TMEM117: variants seen among roughly 807,000 people sequenced by gnomAD.
TMEM117 encodes transmembrane protein 117.
In TMEM117, 27 loss-of-function variants were observed where a neutral mutation model predicts 52.4. The ratio of observed to expected loss-of-function variants is 0.51; its 90% confidence interval spans 0.38 to 0.71. The LOEUF (loss-of-function observed/expected upper bound fraction) is 0.71, where lower values mean the gene tolerates loss of function less well. TMEM117 is among the 30% of genes least tolerant of loss of function. TMEM117 has a pLI of 0.00. For synonymous variants in TMEM117, 215 were observed against 206.3 expected, an observed-to-expected ratio of 1.04 and a Z score of -0.36; for missense variants, 556 against 630.5, an observed-to-expected ratio of 0.88 and a Z score of 1.26.
At chr12:43,809,358 G>A in the TMEM117 span, among the ~76,000 whole-genome samples, 207 of 152,236 alleles carry the variant, frequency 1.4e-3, 1 homozygote, top group Admixed American at 4.1e-3. Flanking sequence ...AAAACACATA[G>A]AAGTTGTATG....
At chr12:43,991,568 CA>C (rs1271429249) in intron 3 of TMEM117, among the ~76,000 whole-genome samples, 1 of 152,094 alleles carries the variant, frequency 6.6e-6, no homozygotes, top group Non-Finnish European at 1.5e-5. Flanking sequence ...AACTTGATTT[CA>C]ATCTGTTTCC....
chr12:44,012,908 G>GAAAGAAGT lies in TMEM117; in HGVS notation c.410+68567_410+68574dup, dbSNP rs1946316251. 2.0e-5 allele frequency among the ~76,000 whole-genome samples: 3 copies of GAAAGAAGT among 152,074 alleles called. No homozygotes were observed. In the South Asian group the frequency reaches 6.2e-4, roughly 32 times the overall value. ...AAAGGAGGACATGATGTACTGGGTAGAAAGAAGTGCACTAAATAGGCCTTC... is the reference window on the plus strand; with the variant it reads ...AAAGGAGGACATGATGTACTGGGTAGAAAGAAGTAAAGAAGTGCACTAAATAGGCCTTC... On this transcript the variant is annotated intron_variant, in intron 3 of 7. Transcript: ENST00000266534.
chr12:44,296,771 G>C (rs1950774446), intron 5 of TMEM117, among the ~76,000 whole-genome samples: 1 of 152,216 alleles, frequency 6.6e-6, no homozygotes, highest in African/African-American at 2.4e-5. Flanking sequence ...ATGGTCGACA[G>C]CTAGGGCTGA....
At chr12:44,118,715 C>A (rs1270775150) in intron 3 of TMEM117, among the ~76,000 whole-genome samples, 1 of 152,076 alleles carries the variant, frequency 6.6e-6, no homozygotes, top group African/African-American at 2.4e-5. Flanking sequence ...TTATTAAAAT[C>A]AATACACATT....
intron 5 of TMEM117, among the ~76,000 whole-genome samples, chr12:44,250,470 C>T (rs1338508160): frequency 6.6e-6 from 1 of 152,108 alleles, no homozygotes; most frequent in African/African-American, 2.4e-5. Flanking sequence ...CCATTTGACC[C>T]AGCAATCCCA....
chr12:44,031,818 T>C (rs535346634), intron 3 of TMEM117, among the ~76,000 whole-genome samples: 2 of 152,362 alleles, frequency 1.3e-5, no homozygotes, highest in East Asian at 3.9e-4. Context: ...AATAAGAATC[T>C]GATTCCTTTT....
intron 2 of TMEM117, among the ~76,000 whole-genome samples, chr12:43,872,114 C>T (rs1943716407): frequency 6.6e-6 from 1 of 152,136 alleles, no homozygotes; most frequent in African/African-American, 2.4e-5. Context: ...GTTACTCAGG[C>T]CTGTCTTGAA....
chr12:44,228,333 C>T (rs1039034655), intron 5 of TMEM117, among the ~76,000 whole-genome samples: 2 of 151,928 alleles, frequency 1.3e-5, no homozygotes, highest in Admixed American at 1.3e-4. Context: ...GGAAAGAAAA[C>T]TTTGCTGACA....
At chr12:44,123,024 C>T (rs1010274214) in intron 3 of TMEM117, among the ~76,000 whole-genome samples, 1 of 152,198 alleles carries the variant, frequency 6.6e-6, no homozygotes, top group Non-Finnish European at 1.5e-5. Flanking sequence ...TATATTCCCA[C>T]CAACAGTATA....
Position 44,228,481 on chromosome 12 carries a change from G to A in TMEM117, c.608+17094G>A, listed in dbSNP as rs181035479. On this transcript the variant is annotated intron_variant, in intron 5 of 7. Coordinates refer to ENST00000266534, the MANE Select transcript of TMEM117 (RefSeq NM_032256.3). ...TGTCAGGACCTGCAGTTTACATTCT[G>A]GTGGAGTTATACAGACCTAAATAAA... 7.2e-5 allele frequency among the ~76,000 whole-genome samples: 11 copies of A among 152,206 alleles called. No individual in the cohort carries two copies. The East Asian group carries it at 1.9e-3, about 27-fold the overall frequency.
intron 6 of TMEM117, among the ~76,000 whole-genome samples, chr12:44,333,479 G>A (rs995952553): frequency 2.6e-5 from 4 of 151,988 alleles, no homozygotes; most frequent in Admixed American, 2.6e-4. Flanking sequence ...ATGGTGGGCA[G>A]AAATTGGATC....
At chr12:43,993,339 TG>T (rs1250817466) in intron 3 of TMEM117, among the ~76,000 whole-genome samples, 2 of 152,196 alleles carry the variant, frequency 1.3e-5, no homozygotes, top group African/African-American at 2.4e-5. Flanking sequence ...GCACAGTGCC[TG>T]GCACATAATG....
Position 44,331,058 on chromosome 12 carries a change from G to A in TMEM117, c.768+31319G>A, listed in dbSNP as rs1951263476. ...TCCCAGGAATCAATATGTAAACAAA[G>A]TGTAGAATCACAACATTTATGATTT... is the stretch of plus-strand genomic sequence containing the variant. On this transcript the variant is annotated intron_variant, in intron 6 of 7. Transcript: ENST00000266534. 2.0e-5 allele frequency among the ~76,000 whole-genome samples: 3 copies of A among 152,020 alleles called. No homozygotes were observed. The South Asian group carries it at 6.2e-4, about 32-fold the overall frequency.
At chr12:43,801,073 T>G in the TMEM117 span, among the ~76,000 whole-genome samples, 2 of 152,154 alleles carry the variant, frequency 1.3e-5, no homozygotes, top group East Asian at 3.9e-4. Context: ...CTGAAAAAAA[T>G]ATAAATTGTT....
At chr12:44,145,113 C>T (rs922812565) in intron 4 of TMEM117, among the ~76,000 whole-genome samples, 8 of 152,080 alleles carry the variant, frequency 5.3e-5, no homozygotes, top group African/African-American at 1.2e-4. Flanking sequence ...GCCGAGATCG[C>T]GCCACTGAAC....
chr12:43,991,417 C>T (rs1945936886), intron 3 of TMEM117, among the ~76,000 whole-genome samples: 1 of 149,214 alleles, frequency 6.7e-6, no homozygotes, highest in Non-Finnish European at 1.5e-5. Context: ...TTGTAATAAC[C>T]AATCCACAAA....
chr12:44,103,157 A>G (rs1488137068), intron 3 of TMEM117, among the ~76,000 whole-genome samples: 1 of 151,556 alleles, frequency 6.6e-6, no homozygotes, highest in Non-Finnish European at 1.5e-5. Context: ...AGGCATTTTT[A>G]TGATCACTTA....
In TMEM117 at chr12:43,944,097, T is replaced by G. The variant is rs1040721828; in HGVS notation, c.278-113T>G. The G allele has an allele frequency of 6.6e-6, 6 of 914,240 alleles. No individual in the cohort carries two copies. The African/African-American group carries it at 1.0e-4, about 16-fold the overall frequency. 56.6% of individuals were successfully genotyped at this position (914,240 alleles called of 1,614,324 possible). ...TGGCTTCACTCATAAGGCAGTCTTATGGCAAAGACTTCAGAATATAGTGAG... is the reference window on the plus strand; with the variant it reads ...TGGCTTCACTCATAAGGCAGTCTTAGGGCAAAGACTTCAGAATATAGTGAG... On this transcript the variant is annotated intron_variant, in intron 2 of 7. Transcript: ENST00000266534.
Position 44,192,415 on chromosome 12 carries a change from T to C in TMEM117, c.511-18875T>C, listed in dbSNP as rs558700035. ...AGAAGACCAAATAAAATGGACTAAT[T>C]TGGCTGCAGTGCTAAATTGTTCTGT... On this transcript the variant is annotated intron_variant, in intron 4 of 7. Transcript: ENST00000266534. 7.9e-5 allele frequency among the ~76,000 whole-genome samples: 12 copies of C among 152,300 alleles called. No individual in the cohort carries two copies. The East Asian group carries it at 2.3e-3, about 29-fold the overall frequency.
Sources: allele counts gnomAD v4.1 joint callset (sites outside exome capture counted in the v4.1 genomes callset), GRCh38; gene constraint gnomAD v4.1.1; transcripts MANE v1.5; gene names NCBI Gene and HGNC (gene_info 2026-07-23, HGNC 2026-07-21).